Variants in ANXA4 observed in about 807,000 individuals in gnomAD.
The protein encoded by ANXA4 is annexin A4.
ANXA4 carries 39 observed loss-of-function variants against 49.8 expected under a neutral mutation model. That is an observed-to-expected ratio of 0.78 (90% CI 0.61 to 1.02). ANXA4 has a LOEUF of 1.02. ANXA4 is among the 50% of genes least tolerant of loss of function. The probability of loss-of-function intolerance (pLI) is 0.00; values close to 1 mark genes in which losing one functional copy is unlikely to be tolerated. For missense variants in ANXA4, 360 were observed against 410.1 expected, an observed-to-expected ratio of 0.88 and a Z score of 1.05; for synonymous variants, 134 against 152.5, an observed-to-expected ratio of 0.88 and a Z score of 0.89.
chr2:69,743,711 C>A (rs1474964471), intron 1 of ANXA4, among the ~76,000 whole-genome samples: 1 of 152,188 alleles, frequency 6.6e-6, no homozygotes. Flanking sequence ...GATAGAGACA[C>A]AAGTACACCC....
At chr2:69,742,501 A>G (rs1559131479) in intron 1 of ANXA4, among the ~76,000 whole-genome samples, 1 of 152,230 alleles carries the variant, frequency 6.6e-6, no homozygotes. Context: ...TTTGCATCAA[A>G]AAGAAAGGAC....
intron 1 of ANXA4, among the ~76,000 whole-genome samples, chr2:69,650,448 C>T (rs547957535): frequency 6.6e-6 from 1 of 152,176 alleles, no homozygotes; most frequent in South Asian, 2.1e-4. Context: ...ACACTCCTTG[C>T]CTTCAAGGAG....
At chr2:69,825,026 C>T (rs1404817725) in intron 12 of ANXA4, among the ~76,000 whole-genome samples, 2 of 139,944 alleles carry the variant, frequency 1.4e-5, no homozygotes, top group African/African-American at 5.4e-5. Context: ...AAGATGGCGC[C>T]ACTGCACTCC....
intron 3 of ANXA4, among the ~76,000 whole-genome samples, chr2:69,800,839 C>T (rs759736538): frequency 3.9e-5 from 6 of 151,950 alleles, no homozygotes; most frequent in Non-Finnish European, 5.9e-5. Context: ...ATATCAAGGA[C>T]GTAGACACAC....
intron 2 of ANXA4, among the ~76,000 whole-genome samples, chr2:69,694,929 TATAAG>T (rs1479767724): frequency 6.6e-6 from 1 of 152,036 alleles, no homozygotes; most frequent in Non-Finnish European, 1.5e-5. Flanking sequence ...CCCAGGCTGT[TATAAG>T]ATAAATTTAA....
intron 3 of ANXA4, among the ~76,000 whole-genome samples, chr2:69,788,850 AAAAAG>A (rs1461984740): frequency 3.0e-4 from 46 of 151,660 alleles, no homozygotes; most frequent in African/African-American, 1.0e-3. Context: ...AAAAAAAAAA[AAAAAG>A]AAAGAGGGAA....
chr2:69,821,393 A>G (rs999835524), intron 12 of ANXA4, among the ~76,000 whole-genome samples: 2 of 152,210 alleles, frequency 1.3e-5, no homozygotes, highest in Non-Finnish European at 2.9e-5. Context: ...CAAGCTTCAA[A>G]TCAGCGTTCG....
intron 3 of ANXA4, among the ~76,000 whole-genome samples, chr2:69,726,648 A>G (rs1408211100): frequency 8.5e-5 from 13 of 152,130 alleles, no homozygotes; most frequent in Admixed American, 8.5e-4. Flanking sequence ...AACCCCAGAA[A>G]CCCTTCTAGT....
At chr2:69,680,143 T>G (rs79627679) in intron 2 of ANXA4, among the ~76,000 whole-genome samples, 2,146 of 152,294 alleles carry the variant, frequency 0.014, 54 homozygotes, top group African/African-American at 0.049. Context: ...ATGAACAAAA[T>G]ATGTCTTTTC....
intron 2 of ANXA4, among the ~76,000 whole-genome samples, chr2:69,660,859 T>C (rs1293585239): frequency 6.7e-6 from 1 of 148,432 alleles, no homozygotes; most frequent in Non-Finnish European, 1.5e-5. Context: ...AAGGGAGAGA[T>C]AAGAGAGATA....
intron 2 of ANXA4, among the ~76,000 whole-genome samples, chr2:69,699,740 G>A (rs1678270042): frequency 6.6e-6 from 1 of 152,206 alleles, no homozygotes; most frequent in African/African-American, 2.4e-5. Context: ...AACCTGAGGG[G>A]TAATAAAAAG....
At chr2:69,693,690 GGTTTCA>G (rs1678056319) in intron 2 of ANXA4, among the ~76,000 whole-genome samples, 1 of 152,120 alleles carries the variant, frequency 6.6e-6, no homozygotes, top group African/African-American at 2.4e-5. Context: ...GTTACTGAGT[GGTTTCA>G]TCAACATCTG....
chr2:69,773,419 G>C (rs117535474), intron 1 of ANXA4, among the ~76,000 whole-genome samples: 1 of 152,260 alleles, frequency 6.6e-6, no homozygotes, highest in East Asian at 1.9e-4. Context: ...TGCCAGGGTT[G>C]TCAGCCAATT....
At chr2:69,801,894 A>C (rs1573287823) in intron 3 of ANXA4, among the ~76,000 whole-genome samples, 1 of 152,238 alleles carries the variant, frequency 6.6e-6, no homozygotes, top group South Asian at 2.1e-4. Flanking sequence ...ACTGGCTGGG[A>C]AACAACATAT....
chr2:69,778,057 A>G lies in ANXA4; in HGVS notation c.-46-3463A>G, dbSNP rs13388856. 4.1e-3 allele frequency among the ~76,000 whole-genome samples: 626 copies of G among 152,342 alleles called. 3 individuals are homozygous for G. The highest frequency in any genetic ancestry group is 0.014 in the African/African-American group (590 of 41,572). On this transcript the variant is annotated intron_variant, in intron 1 of 12. Transcript: ENST00000394295. ...AGTTTGAATTTTGTACAATTTTCAC[A>G]TGTAATAAAATATCCCTTATTTGAT...
At chr2:69,645,797 G>T (rs1265862252) in intron 1 of ANXA4, among the ~76,000 whole-genome samples, 1 of 152,094 alleles carries the variant, frequency 6.6e-6, no homozygotes, top group Non-Finnish European at 1.5e-5. Context: ...CAATTATAAT[G>T]ACAAATCCAC....
rs568669347 is a variant in ANXA4 at position 69,785,108 on chromosome 2, C to T, written c.10-2946C>T. Among the ~76,000 whole-genome samples, 33 of 152,282 alleles carry T rather than the reference C, an allele frequency of 2.2e-4. No homozygotes were observed. In the East Asian group the frequency reaches 6.4e-3, roughly 29 times the overall value. On this transcript the variant is annotated intron_variant, in intron 2 of 12. Coordinates refer to ENST00000394295, the MANE Select transcript of ANXA4 (RefSeq NM_001153.5). Reference sequence around the variant, plus strand: ...GTCGATGTCATACATGTCTACCTTCCTCTGTCAGACATATAGAGGGTGATG... The same window carrying T: ...GTCGATGTCATACATGTCTACCTTCTTCTGTCAGACATATAGAGGGTGATG...
At chr2:69,708,569 G>T (rs1175206916) in intron 2 of ANXA4, among the ~76,000 whole-genome samples, 1 of 152,148 alleles carries the variant, frequency 6.6e-6, no homozygotes, top group East Asian at 1.9e-4. Context: ...TTCTTCATGG[G>T]TCTCTTGGTT....
At chr2:69,687,741 G>A (rs1677839533) in intron 2 of ANXA4, among the ~76,000 whole-genome samples, 1 of 152,074 alleles carries the variant, frequency 6.6e-6, no homozygotes, top group South Asian at 2.1e-4. Flanking sequence ...CTTTCTAGTT[G>A]CCTCAGCCTC....
Sources: allele counts gnomAD v4.1 joint callset (sites outside exome capture counted in the v4.1 genomes callset), GRCh38; gene constraint gnomAD v4.1.1; transcripts MANE v1.5; gene names NCBI Gene and HGNC (gene_info 2026-07-23, HGNC 2026-07-21).